The following EGF variants were observed in gnomAD, a reference collection of about 807,000 sequenced individuals.
EGF encodes the protein epidermal growth factor.
A neutral mutation model predicts 143.8 loss-of-function variants in EGF; 95 were observed. That is an observed-to-expected ratio of 0.66 (90% confidence interval 0.56 to 0.78). EGF has a LOEUF of 0.78. EGF is among the 30% of genes least tolerant of loss of function. EGF has a pLI of 0.00. For missense variants in EGF, 1,320 were observed against 1,470.9 expected (o/e 0.90, Z 1.68); for synonymous variants, 510 against 510.5 (o/e 1.00, Z 0.01).
chr4:109,991,804 G>C (rs948953682), intron 18 of EGF, among the ~76,000 whole-genome samples: 2 of 152,096 alleles, frequency 1.3e-5, no homozygotes, highest in African/African-American at 2.4e-5. Flanking sequence ...ACTTTGGGAA[G>C]TCTCCTTTCC....
rs1313722533 is a variant in EGF, at chr4:109,977,911, A to G, written c.2053+1676A>G. Among the ~76,000 whole-genome samples the G allele has an allele frequency of 2.0e-5, 3 of 152,242 alleles. No homozygotes were observed. In the East Asian group the frequency reaches 5.8e-4, roughly 29 times the overall value. On this transcript the variant is annotated intron_variant, in intron 13 of 23. Transcript: ENST00000265171. ...GTATCTTTGACATAAAAAGGTAGAA[A>G]GGAATTTGAAAATTTCTAACCCGAA...
At chr4:109,984,771 T>C (rs1749894418) in intron 16 of EGF, among the ~76,000 whole-genome samples, 2 of 152,218 alleles carry the variant, frequency 1.3e-5, no homozygotes, top group Admixed American at 1.3e-4. Flanking sequence ...TCTATTAAGT[T>C]AGTGACTTGA....
chr4:109,999,686 G>T lies in EGF; in HGVS notation c.3013G>T (p.Val1005Phe), dbSNP rs774316545. Residue 1005 changes from valine to phenylalanine, a missense_variant, in exon 21 of 24, where the codon GTT (valine) becomes TTT (phenylalanine). Coordinates refer to ENST00000265171, the MANE Select transcript of EGF (RefSeq NM_001963.6). ...ALDKYACNCV[V>F]GYIGERCQYR... ...GTTTGTGTGTTGTCACAGCTGTGTT[G>T]TTGGCTACATCGGGGAGCGATGTCA... 1 of 1,614,152 alleles carries T rather than the reference G, an allele frequency of 6.2e-7. No individual in the cohort carries two copies. Among genetic ancestry groups the T allele is most frequent in the South Asian group, 1.1e-5 (1 of 91,074 alleles).
chr4:109,961,275 G>A (rs1002899558), intron 7 of EGF, among the ~76,000 whole-genome samples: 1 of 152,016 alleles, frequency 6.6e-6, no homozygotes, highest in African/African-American at 2.4e-5. Flanking sequence ...AGGATCACTT[G>A]AACCAGGAGG....
At chr4:109,987,410 C>T (rs1449998751) in intron 16 of EGF, among the ~76,000 whole-genome samples, 2 of 151,996 alleles carry the variant, frequency 1.3e-5, no homozygotes, top group African/African-American at 2.4e-5. Flanking sequence ...TCTCCTACCT[C>T]AGCCCCCCAA....
chr4:109,993,223 C>T, intron 18 of EGF, 24 bp from the exon 19 acceptor site: 2 of 1,613,012 alleles, frequency 1.2e-6, no homozygotes, highest in Non-Finnish European at 1.7e-6. Context: ...ACTTTTCTCT[C>T]CCGTACTCTG....
chr4:109,973,501 C>T (rs952323912), intron 11 of EGF, among the ~76,000 whole-genome samples: 19 of 152,282 alleles, frequency 1.2e-4, no homozygotes, highest in Middle Eastern at 3.4e-3. Flanking sequence ...CTGTCACCCT[C>T]CCTGAGTCTT....
At chr4:109,950,480 G>C (rs1743696974) in intron 5 of EGF, among the ~76,000 whole-genome samples, 1 of 152,066 alleles carries the variant, frequency 6.6e-6, no homozygotes, top group African/African-American at 2.4e-5. Flanking sequence ...CTGCTGCAGG[G>C]AGCATAATCC....
intron 14 of EGF, 169 bp from the exon 15 acceptor site, chr4:109,980,657 C>T (rs1749201459): frequency 1.3e-6 from 1 of 741,618 alleles, no homozygotes; most frequent in African/African-American, 1.8e-5. Flanking sequence ...GAATCAGTGG[C>T]TCCTTGGGGG....
chr4:109,913,020 G>C lies in EGF; in HGVS notation c.-316G>C. The C allele has an allele frequency of 2.9e-6, 1 of 345,898 alleles. No homozygotes were observed. The highest frequency in any genetic ancestry group is 5.6e-6 in the Non-Finnish European group (1 of 179,192). The allele number at this position is 345,898 out of a possible 1,614,324, so 21.4% of individuals were successfully genotyped here. A position where few individuals can be genotyped will look rare whatever the true frequency, so the allele number is the denominator to read the frequency against. On this transcript the variant is annotated 5_prime_UTR_variant, in exon 1 of 24. Coordinates refer to ENST00000265171, the MANE Select transcript of EGF (RefSeq NM_001963.6). ...TAAGCCTTTGCCTTGCTCTGTCACAGTGAAGTCAGCCAGAGCAGGGCTGTT... is the reference window on the plus strand; with the variant it reads ...TAAGCCTTTGCCTTGCTCTGTCACACTGAAGTCAGCCAGAGCAGGGCTGTT...
intron 19 of EGF, among the ~76,000 whole-genome samples, chr4:109,994,056 T>C (rs558858391): frequency 6.6e-6 from 1 of 152,238 alleles, no homozygotes; most frequent in South Asian, 2.1e-4. Flanking sequence ...GCATATTATT[T>C]TTCTCAAATA....
At chr4:110,000,388 T>C (rs558401930) in intron 21 of EGF, among the ~76,000 whole-genome samples, 1 of 152,340 alleles carries the variant, frequency 6.6e-6, no homozygotes, top group East Asian at 1.9e-4. Flanking sequence ...TCATAGTATA[T>C]GTGTTATTTA....
intron 1 of EGF, among the ~76,000 whole-genome samples, chr4:109,914,890 G>C (rs562445936): frequency 1.3e-5 from 2 of 152,320 alleles, no homozygotes; most frequent in East Asian, 1.9e-4. Context: ...CAAATATCTA[G>C]AGTTGGGCAC....
chr4:109,980,152 G>C lies in EGF; in HGVS notation c.2221+13G>C. ...TTGGCAAAACCAGGTACATACTGGAGATGTTACACAGTCTTTCCTTGGCTG... is the reference window on the plus strand; with the variant it reads ...TTGGCAAAACCAGGTACATACTGGACATGTTACACAGTCTTTCCTTGGCTG... On this transcript the variant is annotated intron_variant, in intron 14 of 23. Transcript: ENST00000265171. 1.9e-6 allele frequency: 3 copies of C among 1,589,060 alleles called. 1 individual carries two copies. The South Asian group carries it at 3.5e-5, about 18-fold the overall frequency.
At chr4:109,967,131 G>A (rs1746730881) in intron 10 of EGF, among the ~76,000 whole-genome samples, 1 of 152,168 alleles carries the variant, frequency 6.6e-6, no homozygotes, top group South Asian at 2.1e-4. Context: ...CAAATGTCCA[G>A]AAGAGTTTCT....
intron 11 of EGF, 74 bp from the exon 12 acceptor site, chr4:109,974,629 A>G: frequency 9.1e-7 from 1 of 1,103,828 alleles, no homozygotes; most frequent in Non-Finnish European, 1.4e-6. Context: ...CATTTCAGAA[A>G]GAGGAGAAAG....
At position 110,012,781 on chromosome 4, in the gene EGF, A is replaced by G. The variant is rs1271732179; in HGVS notation, c.*1326A>G. Reference sequence around the variant, plus strand: ...AAATTTCACATGGTGTTCTAATTAAATATTTTTCTTGCAGCCAAGATATTG... The same window carrying G: ...AAATTTCACATGGTGTTCTAATTAAGTATTTTTCTTGCAGCCAAGATATTG... On this transcript the variant is annotated 3_prime_UTR_variant, in exon 24 of 24. Transcript: ENST00000265171. Among the ~76,000 whole-genome samples, 1 of 152,192 alleles carries G rather than the reference A, an allele frequency of 6.6e-6. No homozygotes were observed. Among genetic ancestry groups the G allele is most frequent in the Non-Finnish European group, 1.5e-5 (1 of 68,034 alleles).
At chr4:109,976,575 A>C (rs909441379) in intron 13 of EGF, among the ~76,000 whole-genome samples, 3 of 152,200 alleles carry the variant, frequency 2.0e-5, no homozygotes, top group African/African-American at 7.2e-5. Flanking sequence ...ATTATAGGCA[A>C]TTTTAGGCAT....
intron 23 of EGF, among the ~76,000 whole-genome samples, chr4:110,009,663 C>T (rs574957071): frequency 6.6e-6 from 1 of 152,094 alleles, no homozygotes; most frequent in Non-Finnish European, 1.5e-5. Context: ...TGATCACATC[C>T]CCAATCATGT....
Sources: allele counts gnomAD v4.1 joint callset (sites outside exome capture counted in the v4.1 genomes callset), GRCh38; gene constraint gnomAD v4.1.1; transcripts MANE v1.5; gene names NCBI Gene and HGNC (gene_info 2026-07-23, HGNC 2026-07-21).